ZNF568: variants seen among roughly 807,000 people sequenced by gnomAD.
The protein encoded by ZNF568 is p53 inhibitor of SCO2 activation.
ZNF568 carries 11 observed loss-of-function variants against 18.1 expected under a neutral mutation model. The ratio of observed to expected loss-of-function variants is 0.61; its 90% confidence interval spans 0.38 to 1.00. ZNF568 has a LOEUF of 1.00. Ranked by LOEUF, ZNF568 falls within the 50% of genes least tolerant of loss-of-function variation. ZNF568 has a pLI of 0.01. For synonymous variants in ZNF568, 213 were observed against 246.6 expected, an observed-to-expected ratio of 0.86 and a Z score of 1.28; for missense variants, 639 against 768.2, an observed-to-expected ratio of 0.83 and a Z score of 1.99.
At chr19:36,995,953 A>T (rs2074467156) in intron 4 of ZNF568, among the ~76,000 whole-genome samples, 1 of 152,112 alleles carries the variant, frequency 6.6e-6, no homozygotes, top group South Asian at 2.1e-4. Context: ...AAACTTGTGA[A>T]CGTGTTACTC....
intron 6 of ZNF568, among the ~76,000 whole-genome samples, 166 bp from the exon 7 acceptor site, chr19:36,949,346 T>G (rs1431829080): frequency 6.6e-6 from 1 of 152,222 alleles, no homozygotes; most frequent in African/African-American, 2.4e-5. Flanking sequence ...AGTAGTTAAC[T>G]TCTCAAACCT....
chr19:36,997,519 G>A, downstream of ZNF568: 3 of 1,588,250 alleles, frequency 1.9e-6, no homozygotes, highest in Non-Finnish European at 1.7e-6. Context: ...CACACATCAT[G>A]AGAGAAGTCA....
chr19:36,939,433 T>C (rs1194243325), intron 6 of ZNF568, among the ~76,000 whole-genome samples: 1 of 152,162 alleles, frequency 6.6e-6, no homozygotes, highest in Non-Finnish European at 1.5e-5. Flanking sequence ...TATCTCTGGG[T>C]TTCTTCCCTG....
intron 6 of ZNF568, among the ~76,000 whole-genome samples, chr19:36,968,301 G>A (rs1269881930): frequency 6.6e-6 from 1 of 152,048 alleles, no homozygotes; most frequent in Non-Finnish European, 1.5e-5. Context: ...TGGGCCAGGT[G>A]CAGTGGCTCA....
chr19:36,983,789 C>T (rs1010457202), downstream of ZNF568, among the ~76,000 whole-genome samples: 6 of 151,246 alleles, frequency 4.0e-5, no homozygotes, highest in Non-Finnish European at 8.8e-5. Flanking sequence ...ATAAAATTAT[C>T]CTTTTCTAAC....
chr19:36,967,493 G>A (rs895109955), intron 6 of ZNF568, among the ~76,000 whole-genome samples: 8 of 152,090 alleles, frequency 5.3e-5, no homozygotes, highest in African/African-American at 1.7e-4. Context: ...AACCCGAGAG[G>A]CAGATATTAC....
chr19:36,962,913 A>G (rs2074166533), intron 6 of ZNF568, among the ~76,000 whole-genome samples: 1 of 151,878 alleles, frequency 6.6e-6, no homozygotes, highest in East Asian at 1.9e-4. Flanking sequence ...TTCACTCTTT[A>G]TCTTTGTTTG....
chr19:36,987,775 G>A (rs1223177063), intron 2 of ZNF568, among the ~76,000 whole-genome samples: 1 of 151,226 alleles, frequency 6.6e-6, no homozygotes, highest in Non-Finnish European at 1.5e-5. Context: ...AAAGACAAAG[G>A]TTTGTTCATT....
At chr19:36,949,421 T>G in intron 6 of ZNF568, 91 bp from the exon 7 acceptor site, 1 of 1,339,622 alleles carries the variant, frequency 7.5e-7, no homozygotes, top group Non-Finnish European at 1.0e-6. Context: ...ACATCAAAGA[T>G]TAAACCCCAC....
At chr19:36,924,249 C>T (rs2073507391) in intron 3 of ZNF568, among the ~76,000 whole-genome samples, 1 of 151,824 alleles carries the variant, frequency 6.6e-6, no homozygotes, top group African/African-American at 2.4e-5. Flanking sequence ...GACAGAGTCT[C>T]GCTCTGTCGC....
At position 36,940,318 on chromosome 19, in the gene ZNF568, C is replaced by A. The variant is rs554154113; in HGVS notation, c.358+3076C>A. Among the ~76,000 whole-genome samples, 4 of 152,302 alleles carry A rather than the reference C, an allele frequency of 2.6e-5. No individual in the cohort carries two copies. In the South Asian group the frequency reaches 8.3e-4, roughly 32 times the overall value. ...AGTTATTTAACTTTAATATCATTTT[C>A]TAATAAATGGTCCTCAATATTTCCA... On this transcript the variant is annotated intron_variant, in intron 6 of 6. Transcript: ENST00000333987.
chr19:36,936,997 C>A, intron 5 of ZNF568, 125 bp downstream of exon 5: 1 of 1,373,998 alleles, frequency 7.3e-7, no homozygotes, highest in East Asian at 2.3e-5. Context: ...ATGTGCTCCA[C>A]TCTTCAGTGT....
downstream of ZNF568, among the ~76,000 whole-genome samples, chr19:36,982,894 T>C (rs1310361388): frequency 6.6e-6 from 1 of 152,216 alleles, no homozygotes; most frequent in East Asian, 1.9e-4. Context: ...GCTTAGAATT[T>C]TAAATCTGTG....
intron 4 of ZNF568, among the ~76,000 whole-genome samples, chr19:36,928,161 A>C (rs2073617196): frequency 6.6e-6 from 1 of 151,170 alleles, no homozygotes; most frequent in Non-Finnish European, 1.5e-5. Flanking sequence ...CAAGTGATCC[A>C]CCTGCCTCAG....
Position 36,945,210 on chromosome 19 carries a change from AGTGTGTGTGTGT to A in ZNF568, c.359-4271_359-4260del, listed in dbSNP as rs10616521. On this transcript the variant is annotated intron_variant, in intron 6 of 6. Transcript: ENST00000333987. ...GGATGGGAAGAGAGACAGAGAGAGA[AGTGTGTGTGTGT>A]GTGTGTGTGTGTGTGTGTGTGTGTG... is the stretch of plus-strand genomic sequence containing the variant. Among the ~76,000 whole-genome samples, 123 of 141,956 alleles carry A rather than the reference AGTGTGTGTGTGT, an allele frequency of 8.7e-4. 3 individuals are homozygous for A. In the South Asian group the frequency reaches 0.023, roughly 26 times the overall value. 93.1% of individuals were successfully genotyped at this position (141,956 alleles called of 152,430 possible).
chr19:36,919,041 C>T (rs548393720), intron 2 of ZNF568, among the ~76,000 whole-genome samples: 1 of 152,244 alleles, frequency 6.6e-6, no homozygotes, highest in African/African-American at 2.4e-5. Flanking sequence ...CATCATTGGA[C>T]ACTTGGGCTG....
In ZNF568 at chr19:36,996,983, C is replaced by G. The variant is rs768432083; in HGVS notation, c.896C>G (p.Ala299Gly). 3.9e-6 allele frequency: 6 copies of G among 1,544,386 alleles called. No individual in the cohort carries two copies. In the African/African-American group the frequency reaches 4.1e-5, roughly 11 times the overall value. ...TATGAAAGTAAGGCGTGTGGGAAGG[C>G]CTTTACCCGTCCCTCACACCTTTTT... Residue 299 changes from alanine (A) to glycine (G), a missense_variant, in exon 5 of 5, where the codon GCC becomes GGC. Physicochemically the swap from Ala to Gly is moderately conservative, Grantham distance 60 (BLOSUM62 0). Coordinates refer to the ZNF568 transcript ENST00000433993.
downstream of ZNF568, among the ~76,000 whole-genome samples, chr19:36,957,503 C>G (rs2074117076): frequency 1.3e-5 from 2 of 152,184 alleles, no homozygotes; most frequent in African/African-American, 2.4e-5. Flanking sequence ...GCTGGGATTA[C>G]AGGCATAAGC....
chr19:36,919,263 G>C (rs957232450), intron 2 of ZNF568, among the ~76,000 whole-genome samples: 1 of 151,926 alleles, frequency 6.6e-6, no homozygotes, highest in East Asian at 1.9e-4. Flanking sequence ...ATAAGTCCTT[G>C]TTTTCATGGA....
Sources: allele counts gnomAD v4.1 joint callset (sites outside exome capture counted in the v4.1 genomes callset), GRCh38; gene constraint gnomAD v4.1.1; transcripts MANE v1.5; gene names NCBI Gene and HGNC (gene_info 2026-07-23, HGNC 2026-07-21).